Variants in TMEM145 observed in about 807,000 individuals in gnomAD.
The protein encoded by TMEM145 is transmembrane protein 145.
TMEM145 carries 46 observed loss-of-function variants against 68.5 expected under a neutral mutation model. The ratio of observed to expected loss-of-function variants is 0.67; its 90% CI spans 0.53 to 0.86. The LOEUF (loss-of-function observed/expected upper bound fraction) is 0.86. Ranked by LOEUF, TMEM145 falls within the 40% of genes least tolerant of loss-of-function variation. TMEM145 has a pLI of 0.00. For synonymous variants in TMEM145, 255 were observed against 280.2 expected (o/e 0.91, Z 0.90); for missense variants, 570 against 645.8 (o/e 0.88, Z 1.27).
At chr19:42,320,039 G>C (rs541674336) in intron 12 of TMEM145, among the ~76,000 whole-genome samples, 8 of 151,924 alleles carry the variant, frequency 5.3e-5, no homozygotes, top group African/African-American at 1.9e-4. Context: ...GATTATAGGC[G>C]TGAGCCACCG....
At position 42,314,288 on chromosome 19, in the gene TMEM145, C is replaced by G. The variant is rs1020235724; in HGVS notation, c.137C>G (p.Thr46Arg). Residue 46 changes from threonine (T) to arginine (R), a missense_variant, in exon 2 of 15, where the codon ACA becomes AGA. Transcript: ENST00000301204. ...LSSKEDWVFL[T>R]RFCFLSDYGR... is the part of the protein sequence containing the mutation. ...CTTTTTCAGGACTGGGTGTTCCTGA[C>G]AAGATTTTGTTTCCTCTCGGATTAC... 1 of 1,613,980 alleles carries G rather than the reference C, an allele frequency of 6.2e-7. No individual in the cohort carries two copies. The highest frequency in any genetic ancestry group is 8.5e-7 in the Non-Finnish European group (1 of 1,179,980).
intron 11 of TMEM145, 52 bp downstream of exon 11, chr19:42,317,015 C>T (rs746984703): frequency 1.2e-5 from 18 of 1,518,386 alleles, no homozygotes; most frequent in African/African-American, 5.5e-5. Context: ...CTTTTGGCGC[C>T]GCCTCCCCCT....
chr19:42,313,627 C>G lies in TMEM145; in HGVS notation c.120+131C>G. The G allele has an allele frequency of 1.5e-6, 1 of 664,474 alleles. No individual in the cohort carries two copies. The highest frequency in any genetic ancestry group is 2.1e-6 in the Non-Finnish European group (1 of 468,390). The allele number at this position is 664,474 out of a possible 1,614,324, so 41.2% of individuals were successfully genotyped here. A position where few individuals can be genotyped will look rare whatever the true frequency, so the allele number is the denominator to read the frequency against. ...TCCGGGAGCCTCGGGGGAGTGGGGC[C>G]GAGGGCGATGGGGGACTGGGCCAGA... On this transcript the variant is annotated intron_variant, in intron 1 of 14. Transcript: ENST00000301204. The surrounding 1 kb of genome is among the most constrained non-coding windows in gnomAD (Gnocchi z 5.1).
intron 13 of TMEM145, among the ~76,000 whole-genome samples, chr19:42,320,701 C>G (rs1440692544): frequency 2.6e-5 from 4 of 151,850 alleles, no homozygotes; most frequent in African/African-American, 9.7e-5. Flanking sequence ...GATCTCGGCT[C>G]CCTGCAAACT....
rs764700635 is a variant in TMEM145, at chr19:42,323,581, A to C, written c.1195-2A>C. On this transcript the variant is annotated splice_acceptor_variant, in intron 13 of 14. Transcript: ENST00000301204. LOFTEE classifies it high-confidence loss of function. ...CACACCTGCTCCTGGCCCTGGCCTC[A>C]GATCATGACCCGCCCATCAGCGGCC... The C allele has an allele frequency of 1.9e-6, 3 of 1,613,784 alleles. No individual in the cohort carries two copies. Among genetic ancestry groups the C allele is most frequent in the Admixed American group, 3.3e-5 (2 of 60,016 alleles).
chr19:42,313,563 C>A lies in TMEM145; in HGVS notation c.120+67C>A. 5.1e-6 allele frequency: 6 copies of A among 1,182,524 alleles called. No individual in the cohort carries two copies. The highest frequency in any genetic ancestry group is 6.4e-6 in the Non-Finnish European group (6 of 934,000). 73.3% of individuals were successfully genotyped at this position (1,182,524 alleles called of 1,614,324 possible). On this transcript the variant is annotated intron_variant, in intron 1 of 14. Coordinates refer to ENST00000301204, the MANE Select transcript of TMEM145 (RefSeq NM_173633.3). This position sits in a 1 kb window ranked among gnomAD's most constrained non-coding sequence, Gnocchi z 5.1. ...GGGGACGCAAGGGAGGCGAGGGGAGCGGGTACCGCCTCGCCCCCTGCCGCC... is the reference window on the plus strand; with the variant it reads ...GGGGACGCAAGGGAGGCGAGGGGAGAGGGTACCGCCTCGCCCCCTGCCGCC...
At chr19:42,319,757 C>CTTTT (rs111353949) in intron 12 of TMEM145, among the ~76,000 whole-genome samples, 1 of 102,600 alleles carries the variant, frequency 9.7e-6, no homozygotes, top group South Asian at 3.3e-4. Context: ...CTGATTTCTT[C>CTTTT]TTTTTTTTTT....
chr19:42,323,840 G>A (rs756848790), intron 14 of TMEM145, 51 bp downstream of exon 14: 11 of 1,558,606 alleles, frequency 7.1e-6, no homozygotes, highest in Middle Eastern at 3.4e-4. Flanking sequence ...CGCCCCTGGA[G>A]TACCTGACCC....
chr19:42,317,075 T>G lies in TMEM145; in HGVS notation c.900+112T>G, dbSNP rs567541257. On this transcript the variant is annotated intron_variant, in intron 11 of 14. Transcript: ENST00000301204. Reference sequence around the variant, plus strand: ...ACATCCTGCTCCTGCTGGCTCGCTCTCTCTCCCACTCTTCGATTTTCTGCT... The same window carrying G: ...ACATCCTGCTCCTGCTGGCTCGCTCGCTCTCCCACTCTTCGATTTTCTGCT... The G allele has an allele frequency of 3.0e-5, 25 of 839,510 alleles. No homozygotes were observed. The South Asian group carries it at 3.3e-4, about 11-fold the overall frequency. The allele number at this position is 839,510 out of a possible 1,614,324, so 52.0% of individuals were successfully genotyped here.
intron 13 of TMEM145, among the ~76,000 whole-genome samples, chr19:42,322,127 G>A (rs557869688): frequency 6.6e-6 from 1 of 152,204 alleles, no homozygotes; most frequent in African/African-American, 2.4e-5. Flanking sequence ...CCCAGCCACC[G>A]AGGGAGGGGA....
chr19:42,324,735 A>T lies in TMEM145; in HGVS notation c.1402-2A>T. 1 of 1,476,562 alleles carries T rather than the reference A, an allele frequency of 6.8e-7. No homozygotes were observed. Among genetic ancestry groups the T allele is most frequent in the Non-Finnish European group, 8.9e-7 (1 of 1,125,662 alleles). The allele number at this position is 1,476,562 out of a possible 1,614,324, so 91.5% of individuals were successfully genotyped here. A position where few individuals can be genotyped will look rare whatever the true frequency, so the allele number is the denominator to read the frequency against. On this transcript the variant is annotated splice_acceptor_variant, in intron 14 of 14. Transcript: ENST00000301204. LOFTEE classifies it high-confidence loss of function. ...AGCCGCTCTCCCCGTCCCCTCCCTCAGCCCCTGCCCCGAGCGGCGCCGGAT... is the reference window on the plus strand; with the variant it reads ...AGCCGCTCTCCCCGTCCCCTCCCTCTGCCCCTGCCCCGAGCGGCGCCGGAT...
intron 14 of TMEM145, 164 bp from the exon 15 acceptor site, chr19:42,324,573 C>G: frequency 1.0e-6 from 1 of 985,298 alleles, no homozygotes; most frequent in Non-Finnish European, 1.2e-6. Context: ...GGGCCCCGGC[C>G]GGGCTCCGGA....
chr19:42,315,327 C>G (rs1041047261), intron 7 of TMEM145, 45 bp from the exon 8 acceptor site: 7 of 1,613,860 alleles, frequency 4.3e-6, no homozygotes, highest in Non-Finnish European at 5.9e-6. Context: ...GTGAGCTGCT[C>G]TCCCTTTCTG....
In TMEM145 at chr19:42,314,841, G is replaced by C. The variant is rs1217531740; in HGVS notation, c.410G>C (p.Ser137Thr). The change falls in exon 5 of 15, where the codon AGC becomes ACC. Residue 137 changes from serine to threonine, a missense_variant. Coordinates refer to ENST00000301204, the MANE Select transcript of TMEM145 (RefSeq NM_173633.3). ...TACCTGAGCTGCTCCAGTGGCCGCA[G>C]CTTCCGCTCAGTGCGTGAACGGTGG... is the stretch of plus-strand genomic sequence containing the variant. ...TRYLSCSSGRSFRSGDGLQLE... is the reference protein window; with the variant it reads ...TRYLSCSSGRTFRSGDGLQLE... 4 of 1,614,218 alleles carry C rather than the reference G, an allele frequency of 2.5e-6. No individual in the cohort carries two copies. The highest frequency in any genetic ancestry group is 3.4e-6 in the Non-Finnish European group (4 of 1,180,036).
intron 13 of TMEM145, 136 bp from the exon 14 acceptor site, chr19:42,323,447 C>G (rs1384981462): frequency 2.5e-6 from 2 of 794,366 alleles, no homozygotes; most frequent in Non-Finnish European, 4.0e-6. Flanking sequence ...CCAGAGGGGA[C>G]GCCTAATCCA....
In TMEM145 at chr19:42,314,829, C is replaced by G. The variant is rs1316374782; in HGVS notation, c.398C>G (p.Ser133Cys). Residue 133 changes from serine to cysteine, a missense_variant, in exon 5 of 15, where the codon TCC becomes TGC. Transcript: ENST00000301204. ...SEEGTRYLSCSSGRSFRSGDG... is the reference protein window; with the variant it reads ...SEEGTRYLSCCSGRSFRSGDG... ...GAGGGAACCCGCTACCTGAGCTGCT[C>G]CAGTGGCCGCAGCTTCCGCTCAGTG... 23 of 1,614,218 alleles carry G rather than the reference C, an allele frequency of 1.4e-5. No homozygotes were observed. The highest frequency in any genetic ancestry group is 1.9e-5 in the Non-Finnish European group (23 of 1,180,042).
chr19:42,314,679 T>C lies in TMEM145; in HGVS notation c.340T>C (p.Tyr114His). 1.2e-6 allele frequency: 2 copies of C among 1,614,154 alleles called. No individual in the cohort carries two copies. Among genetic ancestry groups the C allele is most frequent in the Non-Finnish European group, 1.7e-6 (2 of 1,180,016 alleles). ...NNQVINLTTQ[Y>H]AWSGCQVVSE... ...CCAGGTCATCAACCTCACCACCCAG[T>C]ATGCCTGGTCCGGCTGTCAGGTGCA... Residue 114 changes from tyrosine (Y) to histidine (H), a missense_variant, in exon 4 of 15, where the codon TAT (tyrosine) becomes CAT (histidine). Coordinates refer to ENST00000301204, the MANE Select transcript of TMEM145 (RefSeq NM_173633.3).
At chr19:42,321,227 C>CT (rs780768912) in intron 13 of TMEM145, 22,740 of 364,274 alleles carry the variant, frequency 0.062, no homozygotes, top group Middle Eastern at 0.091. Context: ...AGCACCACAT[C>CT]TTTTTTTTTT....
chr19:42,314,405 G>A lies in TMEM145; in HGVS notation c.196-46G>A, dbSNP rs753588304. ...TGGGTACTTCCCTTGGCCTCCAAAG[G>A]CACAGGCTGCCCCAGCTCCCGGTCC... On this transcript the variant is annotated intron_variant, in intron 2 of 14. Coordinates refer to ENST00000301204, the MANE Select transcript of TMEM145 (RefSeq NM_173633.3). 5 of 1,613,818 alleles carry A rather than the reference G, an allele frequency of 3.1e-6. No homozygotes were observed. In the East Asian group the frequency reaches 6.7e-5, roughly 22 times the overall value.
Sources: gnomAD v4.1 joint callset for allele counts (sites outside exome capture counted in the v4.1 genomes callset) on GRCh38, gnomAD v4.1.1 for gene constraint, Gnocchi (gnomAD v3.1) non-coding constraint, MANE v1.5 for transcripts, NCBI Gene and HGNC (gene_info 2026-07-23, HGNC 2026-07-21) for gene names.